Variants in EYS observed in about 807,000 individuals in gnomAD.
EYS encodes EGF-like photoreceptor maintenance factor.
EYS carries 250 observed loss-of-function variants against 282.1 expected under a neutral mutation model. The observed-to-expected ratio is 0.89, with a 90% CI of 0.80 to 0.98. The LOEUF (loss-of-function observed/expected upper bound fraction) is 0.98. Ranked by LOEUF, EYS falls within the 50% of genes least tolerant of loss-of-function variation. EYS has a pLI of 0.00. For missense variants in EYS, 4,016 were observed against 3,709.0 expected, an observed-to-expected ratio of 1.08 and a Z score of -2.15; for synonymous variants, 1,355 against 1,282.9, an observed-to-expected ratio of 1.06 and a Z score of -1.20.
intron 37 of EYS, chr6:63,797,887 A>G (rs1273885391): frequency 6.6e-6 from 1 of 152,246 alleles, no homozygotes. Context: ...AAAATGTGAT[A>G]AAATGCATTT....
intron 12 of EYS, among the ~76,000 whole-genome samples, chr6:65,238,774 A>T (rs1188099834): frequency 6.6e-6 from 1 of 152,026 alleles, no homozygotes; most frequent in Non-Finnish European, 1.5e-5. Flanking sequence ...AGGTAGGAAT[A>T]GCCAAATATT....
chr6:64,723,378 G>C (rs1771650449), intron 22 of EYS, among the ~76,000 whole-genome samples: 1 of 152,176 alleles, frequency 6.6e-6, no homozygotes. Context: ...AGAGTTCTCA[G>C]AGATATTTTA....
intron 31 of EYS, among the ~76,000 whole-genome samples, chr6:64,138,552 A>G (rs905947049): frequency 1.3e-5 from 2 of 152,194 alleles, no homozygotes; most frequent in Non-Finnish European, 2.9e-5. Flanking sequence ...AAGAGAGTAT[A>G]CTTCTTATGG....
rs558871257 is a variant in EYS, at chr6:63,792,107, A to C, written c.7412-2883T>G. 1.7e-3 allele frequency among the ~76,000 whole-genome samples: 251 copies of C among 152,060 alleles called. 1 individual carries two copies. The highest frequency in any genetic ancestry group is 5.8e-3 in the African/African-American group (239 of 41,502). On this transcript the variant is annotated intron_variant, in intron 37 of 42. Transcript: ENST00000503581. ...AGTCATGGAGTTAGGACCCTAGGAA[A>C]GGAACAGTCTGGGGGAAAAGGCTGA...
chr6:64,715,357 C>A (rs1370658027), intron 22 of EYS, among the ~76,000 whole-genome samples: 2 of 152,144 alleles, frequency 1.3e-5, no homozygotes, highest in East Asian at 3.9e-4. Context: ...CCGTGCTTCA[C>A]AAAGATAGCA....
intron 26 of EYS, among the ~76,000 whole-genome samples, chr6:64,555,710 G>T (rs1176171037): frequency 6.6e-6 from 1 of 151,414 alleles, no homozygotes; most frequent in African/African-American, 2.4e-5. Context: ...TTATAATAAT[G>T]AAAATGATCA....
At chr6:64,768,508 A>G (rs954651418) in intron 22 of EYS, among the ~76,000 whole-genome samples, 2 of 152,148 alleles carry the variant, frequency 1.3e-5, no homozygotes, top group African/African-American at 4.8e-5. Flanking sequence ...TGGTCTTTAA[A>G]GAAAATTATT....
intron 28 of EYS, among the ~76,000 whole-genome samples, chr6:64,404,265 A>G (rs1183504711): frequency 1.3e-5 from 2 of 152,194 alleles, no homozygotes; most frequent in African/African-American, 4.8e-5. Flanking sequence ...ATAGACAATG[A>G]GGCATACTCA....
chr6:64,939,032 A>T (rs911334349), intron 15 of EYS, among the ~76,000 whole-genome samples: 3 of 151,806 alleles, frequency 2.0e-5, no homozygotes, highest in Non-Finnish European at 4.4e-5. Flanking sequence ...AAAGATAACT[A>T]GGTAAGGAAA....
At chr6:64,952,066 A>G (rs1032146341) in intron 14 of EYS, among the ~76,000 whole-genome samples, 9 of 152,030 alleles carry the variant, frequency 5.9e-5, no homozygotes, top group Non-Finnish European at 1.0e-4. Context: ...ACAGGCAGCC[A>G]ATGAACAAAG....
At chr6:64,443,200 A>G (rs1003920598) in intron 26 of EYS, among the ~76,000 whole-genome samples, 1 of 152,186 alleles carries the variant, frequency 6.6e-6, no homozygotes. Flanking sequence ...GAGCTTTAAA[A>G]TTTGACTGCC....
At chr6:64,658,530 T>C (rs1326272692) in intron 22 of EYS, among the ~76,000 whole-genome samples, 1 of 152,202 alleles carries the variant, frequency 6.6e-6, no homozygotes, top group Non-Finnish European at 1.5e-5. Context: ...AGATGGGGTT[T>C]TGGTGTGGAT....
intron 26 of EYS, among the ~76,000 whole-genome samples, chr6:64,542,854 C>T (rs1043508660): frequency 5.9e-5 from 9 of 152,020 alleles, no homozygotes; most frequent in African/African-American, 2.2e-4. Context: ...CTTCTACTGT[C>T]ACATTTTAGA....
intron 5 of EYS, among the ~76,000 whole-genome samples, chr6:65,439,906 T>C (rs1768243007): frequency 6.6e-6 from 1 of 151,870 alleles, no homozygotes; most frequent in Non-Finnish European, 1.5e-5. Context: ...AAAAGACAAA[T>C]GAGTGAACAG....
chr6:64,566,334 C>T, intron 26 of EYS, among the ~76,000 whole-genome samples: 1 of 152,152 alleles, frequency 6.6e-6, no homozygotes, highest in East Asian at 1.9e-4. Context: ...TTGACAGTGA[C>T]TAGGTGCATG....
chr6:64,191,195 C>T (rs915771711), intron 31 of EYS, among the ~76,000 whole-genome samples: 1 of 151,716 alleles, frequency 6.6e-6, no homozygotes, highest in African/African-American at 2.4e-5. Flanking sequence ...GCATTTTTGT[C>T]TCATTTATCT....
chr6:65,457,913 A>T (rs541439367), intron 5 of EYS, among the ~76,000 whole-genome samples: 1 of 152,254 alleles, frequency 6.6e-6, no homozygotes, highest in Non-Finnish European at 1.5e-5. Flanking sequence ...CAAGCTCAGC[A>T]AGTACAAAAT....
chr6:64,762,083 G>A (rs1305346877), intron 22 of EYS, among the ~76,000 whole-genome samples: 1 of 152,072 alleles, frequency 6.6e-6, no homozygotes, highest in Non-Finnish European at 1.5e-5. Flanking sequence ...GAAATGATAA[G>A]TATGTGAAGT....
intron 12 of EYS, among the ~76,000 whole-genome samples, chr6:65,194,331 G>C (rs1012825376): frequency 1.3e-5 from 2 of 151,730 alleles, no homozygotes; most frequent in African/African-American, 4.8e-5. Flanking sequence ...TAGAAAAACG[G>C]TCTATAAAAT....
Sources: gnomAD v4.1 joint callset for allele counts (sites outside exome capture counted in the v4.1 genomes callset) on GRCh38, gnomAD v4.1.1 for gene constraint, MANE v1.5 for transcripts, NCBI Gene and HGNC (gene_info 2026-07-23, HGNC 2026-07-21) for gene names.